The following KIF21B variants were observed in gnomAD, a reference collection of about 807,000 sequenced individuals.
KIF21B encodes the protein kinesin-like protein KIF21B.
KIF21B carries 85 observed loss-of-function variants against 192.9 expected under a neutral mutation model. That is an observed-to-expected ratio of 0.44 (90% CI 0.37 to 0.53). The LOEUF (loss-of-function observed/expected upper bound fraction) is 0.53. Ranked by LOEUF, KIF21B falls within the 20% of genes least tolerant of loss-of-function variation. The pLI is 0.00. For synonymous variants in KIF21B, 832 were observed against 884.6 expected, an observed-to-expected ratio of 0.94 and a Z score of 1.05; for missense variants, 1,716 against 2,194.8, an observed-to-expected ratio of 0.78 and a Z score of 4.36.
Position 201,000,698 on chromosome 1 carries a change from C to T in KIF21B, c.1466+19G>A, listed in dbSNP as rs752303265. On this transcript the variant is annotated intron_variant, in intron 10 of 34. Coordinates refer to ENST00000461742, the MANE Select transcript of KIF21B (RefSeq NM_001252102.2). This position sits in a 1 kb window ranked among gnomAD's most constrained non-coding sequence, Gnocchi z 6.0. Reference sequence around the variant, plus strand: ...GAGGCCCCCAGCCCGCGCACACCTGCCGGAGCTCACTCACTCACCGTAGCT... The same window carrying T: ...GAGGCCCCCAGCCCGCGCACACCTGTCGGAGCTCACTCACTCACCGTAGCT... 1.9e-6 allele frequency: 3 copies of T among 1,614,112 alleles called. No homozygotes were observed. Among genetic ancestry groups the T allele is most frequent in the East Asian group, 4.5e-5 (2 of 44,890 alleles).
chr1:201,019,952 C>A (rs978619749), intron 1 of KIF21B, among the ~76,000 whole-genome samples: 28 of 152,206 alleles, frequency 1.8e-4, no homozygotes, highest in African/African-American at 6.8e-4. Context: ...TAGCCTAGAA[C>A]TAGGGAAATA....
chr1:201,009,967 G>A (rs549777516), intron 1 of KIF21B, among the ~76,000 whole-genome samples: 4 of 152,192 alleles, frequency 2.6e-5, no homozygotes, highest in South Asian at 4.1e-4. Flanking sequence ...GAGAGAAGGC[G>A]GCTTGTCCAC....
intron 6 of KIF21B, 83 bp from the exon 7 acceptor site, chr1:201,004,538 T>C (rs756397029): frequency 3.2e-6 from 4 of 1,262,586 alleles, no homozygotes; most frequent in Middle Eastern, 1.8e-4. Context: ...AACCCATCTG[T>C]ACCTGCCTCT....
rs1184563513 is a variant in KIF21B at position 200,986,848 on chromosome 1, T to C, written c.3685A>G (p.Ile1229Val). ...GATTCTAGAACATGATCTCACCTAA[T>C]GGGCTGCCCTCGGTCGTAGGACTTC... is the stretch of plus-strand genomic sequence containing the variant. ...RRKSYDRGQP[I>V]RSTDVGFTPP... The change falls in exon 26 of 35, where the codon ATT (isoleucine) becomes GTT (valine). Residue 1229 changes from isoleucine to valine, a missense_variant. Transcript: ENST00000461742. 6.2e-7 allele frequency: 1 copy of C among 1,612,792 alleles called. No homozygotes were observed. Among genetic ancestry groups the C allele is most frequent in the Non-Finnish European group, 8.5e-7 (1 of 1,179,266 alleles).
chr1:201,002,261 C>T lies in KIF21B; in HGVS notation c.1302G>A (p.Leu434=). Residue 434 remains leucine, a synonymous_variant, in exon 9 of 35, where the codon CTG becomes CTA. Coordinates refer to ENST00000461742, the MANE Select transcript of KIF21B (RefSeq NM_001252102.2). The stretch of plus-strand genomic sequence containing the variant: ...CCTGCATGGCTTTCACCCGCAGCCG[C>T]AGGGCCCCATTCTCCTTCTGTAGCA... The part of the protein sequence containing the change: ...NAMLQKENGA[L]RLRVKAMQEA... 6.2e-7 allele frequency: 1 copy of T among 1,614,234 alleles called. No homozygotes were observed. Among genetic ancestry groups the T allele is most frequent in the Non-Finnish European group, 8.5e-7 (1 of 1,180,044 alleles).
intron 1 of KIF21B, among the ~76,000 whole-genome samples, chr1:201,012,631 C>CTATGTATGTATGTATGTATGTATGTATG (rs113600659): frequency 1.3e-5 from 2 of 150,362 alleles, no homozygotes; most frequent in Admixed American, 6.6e-5. Context: ...TCAGAAAACT[C>CTATGTATGTATGTATGTATGTATGTATG]TATGTATGTA....
At chr1:200,994,412 T>G (rs1656918582) in intron 15 of KIF21B, among the ~76,000 whole-genome samples, 1 of 152,176 alleles carries the variant, frequency 6.6e-6, no homozygotes, top group African/African-American at 2.4e-5. Flanking sequence ...CTGCTGCACC[T>G]TCTGTCCCTC....
chr1:201,018,112 T>G (rs780099089), intron 1 of KIF21B, among the ~76,000 whole-genome samples: 1 of 152,172 alleles, frequency 6.6e-6, no homozygotes, highest in African/African-American at 2.4e-5. Flanking sequence ...ATTGCTTTCC[T>G]CCTCAATGTT....
chr1:201,009,559 C>G (rs1470725121), intron 1 of KIF21B, 71 bp from the exon 2 acceptor site: 1 of 1,432,110 alleles, frequency 7.0e-7, no homozygotes, highest in Admixed American at 2.0e-5. Flanking sequence ...CTCCCTCACA[C>G]TGCCTGCCAA....
rs757552355 is a variant in KIF21B, at chr1:200,975,678, G to C, written c.4444-9C>G. 1.2e-6 allele frequency: 2 copies of C among 1,602,982 alleles called. No homozygotes were observed. Among genetic ancestry groups the C allele is most frequent in the Admixed American group, 1.7e-5 (1 of 59,554 alleles). On this transcript the variant is annotated splice_polypyrimidine_tract_variant and intron_variant, in intron 32 of 34. Coordinates refer to ENST00000461742, the MANE Select transcript of KIF21B (RefSeq NM_001252102.2). This position sits in a 1 kb window ranked among gnomAD's most constrained non-coding sequence, Gnocchi z 4.3. ...TCGCCCAGCTCGAACATCTGTGGGA[G>C]GAGGGGCCAGTAGGGAGAGGCCAAG...
chr1:201,009,917 G>C (rs1247413868), intron 1 of KIF21B, among the ~76,000 whole-genome samples: 1 of 152,200 alleles, frequency 6.6e-6, no homozygotes, highest in African/African-American at 2.4e-5. Flanking sequence ...ACGTACTCCT[G>C]ATTGGACCAG....
chr1:200,983,018 G>A (rs1656045039), intron 28 of KIF21B, 38 bp downstream of exon 28: 2 of 1,526,628 alleles, frequency 1.3e-6, no homozygotes, highest in African/African-American at 1.4e-5. Flanking sequence ...CCGAGAGTGA[G>A]AGTGGGGAAC....
intron 34 of KIF21B, 104 bp from the exon 35 acceptor site, chr1:200,973,682 A>G: frequency 9.3e-6 from 14 of 1,506,136 alleles, no homozygotes; most frequent in Non-Finnish European, 1.2e-5. Flanking sequence ...AAACTCCCCA[A>G]ATGTGGTTGG....
In KIF21B at chr1:201,003,766, G is replaced by C. The variant is rs528121290; in HGVS notation, c.1032C>G (p.Ile344Met). The C allele has an allele frequency of 7.4e-6, 12 of 1,614,040 alleles. No homozygotes were observed. The highest frequency in any genetic ancestry group is 1.3e-5 in the African/African-American group (1 of 74,920). ...SLGGNSQTIM[I>M]ACVSPSDRDF... ...CTCGGTCTGAGGGGCTCACACAGGC[G>C]ATCATGATGGTCTGGCTGGGGGTGC... The change falls in exon 8 of 35, where the codon ATC becomes ATG. Residue 344 changes from isoleucine (I) to methionine (M), a missense_variant. Ile to Met is a conservative substitution (Grantham distance 10, BLOSUM62 1). Around this residue, in one of 3 missense-constraint regions of KIF21B, gnomAD observed 1,087 missense variants for 1,316.6 expected, o/e 0.83. Transcript: ENST00000461742.
chr1:200,981,308 T>C (rs114599759), intron 28 of KIF21B, among the ~76,000 whole-genome samples: 1,994 of 152,298 alleles, frequency 0.013, 45 homozygotes, highest in African/African-American at 0.045. Context: ...TCAGCAATCA[T>C]CAGTTGCCAT....
intron 14 of KIF21B, among the ~76,000 whole-genome samples, chr1:200,997,562 G>A (rs1241599534): frequency 1.3e-5 from 2 of 152,198 alleles, no homozygotes; most frequent in African/African-American, 2.4e-5. Context: ...GGCCAATATA[G>A]TGAAACCCTG....
Position 200,988,564 on chromosome 1 carries a change from A to T in KIF21B, c.3299-20T>A. ...CATTCTCTGTGGGAGGGCGGGAGGG[A>T]GGGAAAGGGGTTGAGAAGCCCTGTC... On this transcript the variant is annotated intron_variant, in intron 22 of 34. Coordinates refer to ENST00000461742, the MANE Select transcript of KIF21B (RefSeq NM_001252102.2). 1.8e-6 allele frequency: 1 copy of T among 548,018 alleles called. No individual in the cohort carries two copies. The highest frequency in any genetic ancestry group is 3.0e-6 in the Non-Finnish European group (1 of 337,898). The allele number at this position is 548,018 out of a possible 1,614,324, so 33.9% of individuals were successfully genotyped here.
chr1:201,003,480 G>A (rs1657617336), intron 8 of KIF21B, 106 bp downstream of exon 8: 4 of 1,093,888 alleles, frequency 3.7e-6, no homozygotes, highest in South Asian at 2.6e-5. Context: ...GTAATAGGGA[G>A]GTGGGAGGGA....
chr1:200,989,852 A>T, intron 21 of KIF21B, 90 bp downstream of exon 21: 1 of 978,018 alleles, frequency 1.0e-6, no homozygotes. Flanking sequence ...GCAGGTGAGG[A>T]GGCGCCAGGC....
Sources: gnomAD v4.1 joint callset for allele counts (sites outside exome capture counted in the v4.1 genomes callset) on GRCh38, gnomAD v4.1.1 for gene constraint, gnomAD v4.1.1 regional missense constraint, Gnocchi (gnomAD v3.1) non-coding constraint, MANE v1.5 for transcripts, NCBI Gene and HGNC (gene_info 2026-07-23, HGNC 2026-07-21) for gene names.